Variants in SCUBE3 observed in about 807,000 individuals in gnomAD.
SCUBE3 encodes the protein signal peptide, CUB and EGF-like domain-containing protein 3.
In SCUBE3, 33 loss-of-function variants were observed where a neutral mutation model predicts 116.8. That is an observed-to-expected ratio of 0.28 (90% CI 0.21 to 0.38). The LOEUF is 0.38. Among genes scored for constraint, SCUBE3 ranks in the 10% least tolerant of loss-of-function variants. The pLI, the probability that SCUBE3 is intolerant of heterozygous loss-of-function variation, is 1.00. For missense variants in SCUBE3, 1,007 were observed against 1,324.8 expected (o/e 0.76, Z 3.72); for synonymous variants, 418 against 496.9 (o/e 0.84, Z 2.11).
chr6:35,244,154 G>T lies in SCUBE3; in HGVS notation c.2239+24G>T. 1 of 1,600,422 alleles carries T rather than the reference G, an allele frequency of 6.2e-7. No individual in the cohort carries two copies. The highest frequency in any genetic ancestry group is 1.1e-5 in the South Asian group (1 of 89,886). On this transcript the variant is annotated intron_variant, in intron 17 of 21. Coordinates refer to ENST00000274938, the MANE Select transcript of SCUBE3 (RefSeq NM_152753.4). The surrounding 1 kb of genome is among the most constrained non-coding windows in gnomAD (Gnocchi z 4.3). ...AGGTGAGTAAGCTACTCACCTCCCT[G>T]GGGGATGCCCCAACCCCAACTACTC...
At chr6:35,238,362 G>A (rs1783870309) in intron 7 of SCUBE3, among the ~76,000 whole-genome samples, 1 of 152,198 alleles carries the variant, frequency 6.6e-6, no homozygotes, top group Non-Finnish European at 1.5e-5. Flanking sequence ...GTGTGCATGA[G>A]GTCACAGGTG....
In SCUBE3 at chr6:35,245,130, T is replaced by C; in HGVS notation, c.2402-98T>C. On this transcript the variant is annotated intron_variant, in intron 18 of 21. Transcript: ENST00000274938. The surrounding 1 kb of genome is among the most constrained non-coding windows in gnomAD (Gnocchi z 4.2). Reference sequence around the variant, plus strand: ...AACTAGAACGCAGACTTCCCATAAATGTCTGACCTCTACTTCAGAACTCTT... The same window carrying C: ...AACTAGAACGCAGACTTCCCATAAACGTCTGACCTCTACTTCAGAACTCTT... 9.2e-7 allele frequency: 1 copy of C among 1,087,990 alleles called. No homozygotes were observed. The highest frequency in any genetic ancestry group is 1.4e-6 in the Non-Finnish European group (1 of 718,330). The allele number at this position is 1,087,990 out of a possible 1,614,324, so 67.4% of individuals were successfully genotyped here. A position where few individuals can be genotyped will look rare whatever the true frequency, so the allele number is the denominator to read the frequency against.
Position 35,214,657 on chromosome 6 carries a change from C to T in SCUBE3, c.85+154C>T, listed in dbSNP as rs1433382307. 6.6e-6 allele frequency among the ~76,000 whole-genome samples: 1 copy of T among 152,184 alleles called. No homozygotes were observed. Among genetic ancestry groups the T allele is most frequent in the Non-Finnish European group, 1.5e-5 (1 of 68,028 alleles). The stretch of plus-strand genomic sequence containing the variant: ...CGGACTCCCCGGCCAGGGGCCCGAC[C>T]GCTGGGCGCTGCGCCCCGAGCGAAA... On this transcript the variant is annotated intron_variant, in intron 1 of 21. Coordinates refer to ENST00000274938, the MANE Select transcript of SCUBE3 (RefSeq NM_152753.4). The surrounding 1 kb of genome is among the most constrained non-coding windows in gnomAD (Gnocchi z 6.3).
At chr6:35,217,927 G>C (rs1390325125) in intron 1 of SCUBE3, among the ~76,000 whole-genome samples, 2 of 152,194 alleles carry the variant, frequency 1.3e-5, no homozygotes, top group African/African-American at 4.8e-5. Context: ...ACATGTCTCA[G>C]AGGTGGGGAA....
Position 35,252,640 on chromosome 6 carries a change from G to A in SCUBE3, c.*3935G>A, listed in dbSNP as rs1784593214. ...ATAAAAGTGGGAGCGAACAACACAA[G>A]GATATTTTTACATTTGACCCGTCTC... On this transcript the variant is annotated 3_prime_UTR_variant, in exon 22 of 22. Coordinates refer to ENST00000274938, the MANE Select transcript of SCUBE3 (RefSeq NM_152753.4). 1 of 152,126 alleles carries A rather than the reference G, an allele frequency of 6.6e-6. No homozygotes were observed. Among genetic ancestry groups the A allele is most frequent in the Admixed American group, 6.5e-5 (1 of 15,284 alleles). 9.4% of individuals were successfully genotyped at this position (152,126 alleles called of 1,614,324 possible).
chr6:35,246,680 A>C (rs1328060930), intron 21 of SCUBE3, among the ~76,000 whole-genome samples: 4 of 152,226 alleles, frequency 2.6e-5, no homozygotes, highest in Non-Finnish European at 5.9e-5. Context: ...GGCCTCATTA[A>C]GCAGCAGCAG....
Position 35,219,220 on chromosome 6 carries a change from CA to C in SCUBE3, c.85+4718del. ...CCCTGGAAATAGCCCCTGAAGAACA[CA>C]TGTGTGTTTCTATATGTGTGTATCC... On this transcript the variant is annotated intron_variant, in intron 1 of 21. Coordinates refer to ENST00000274938, the MANE Select transcript of SCUBE3 (RefSeq NM_152753.4). The surrounding 1 kb of genome is among the most constrained non-coding windows in gnomAD (Gnocchi z 4.7). 6.6e-6 allele frequency among the ~76,000 whole-genome samples: 1 copy of C among 152,306 alleles called. No individual in the cohort carries two copies.
Position 35,250,723 on chromosome 6 carries a change from T to C in SCUBE3, c.*2018T>C, listed in dbSNP as rs1454201929. On this transcript the variant is annotated 3_prime_UTR_variant, in exon 22 of 22. Transcript: ENST00000274938. ...CCTCAGGTTCATTTCTTTTTTTTTT[T>C]TTTTTCTTTTTAACTCTCCTGGTAA... The C allele has an allele frequency of 4.0e-5, 3 of 74,510 alleles. No individual in the cohort carries two copies. In the East Asian group the frequency reaches 1.1e-3, roughly 27 times the overall value. The allele number at this position is 74,510 out of a possible 1,614,324, so 4.6% of individuals were successfully genotyped here. A position where few individuals can be genotyped will look rare whatever the true frequency, so the allele number is the denominator to read the frequency against.
chr6:35,226,479 C>CTTTTTTTTTTTTTTT (rs1562044702), intron 1 of SCUBE3, among the ~76,000 whole-genome samples: 31 of 52,180 alleles, frequency 5.9e-4, no homozygotes, highest in African/African-American at 1.4e-3. Flanking sequence ...TTTTCTATGT[C>CTTTTTTTTTTTTTTT]CTTTTTTTTT....
In SCUBE3 at chr6:35,239,662, A is replaced by C; in HGVS notation, c.830-90A>C. On this transcript the variant is annotated intron_variant, in intron 7 of 21. Transcript: ENST00000274938. The surrounding 1 kb of genome is among the most constrained non-coding windows in gnomAD (Gnocchi z 4.1). ...AGGCCCAGGACTCCTTGATTTTTGC[A>C]TGTCTCTGTCAGTGAGGGAGGGATC... 8.0e-7 allele frequency: 1 copy of C among 1,243,448 alleles called. No homozygotes were observed. Among genetic ancestry groups the C allele is most frequent in the South Asian group, 1.3e-5 (1 of 75,874 alleles). 77.0% of individuals were successfully genotyped at this position (1,243,448 alleles called of 1,614,324 possible). A position where few individuals can be genotyped will look rare whatever the true frequency, so the allele number is the denominator to read the frequency against.
chr6:35,233,880 CACCTT>C lies in SCUBE3; in HGVS notation c.712+583_712+587del, dbSNP rs1304083869. Among the ~76,000 whole-genome samples the C allele has an allele frequency of 5.3e-5, 8 of 152,232 alleles. No individual in the cohort carries two copies. The highest frequency in any genetic ancestry group is 3.4e-3 in the Middle Eastern group (1 of 294). ...CTGCAACTCCCCTTTCTACTCACCT[CACCTT>C]ACCCCCCATTTCCTTCTCTCTCCTC... is the stretch of plus-strand genomic sequence containing the variant. On this transcript the variant is annotated intron_variant, in intron 6 of 21. Coordinates refer to ENST00000274938, the MANE Select transcript of SCUBE3 (RefSeq NM_152753.4). The surrounding 1 kb of genome is among the most constrained non-coding windows in gnomAD (Gnocchi z 5.7).
chr6:35,232,484 GA>G lies in SCUBE3; in HGVS notation c.470-365del, dbSNP rs1328317528. On this transcript the variant is annotated intron_variant, in intron 4 of 21. Transcript: ENST00000274938. The surrounding 1 kb of genome is among the most constrained non-coding windows in gnomAD (Gnocchi z 4.2). ...TTCCCAGTTTGACTGTAAGCTCTTT[GA>G]GGGGAGTGATCACACCTTGTATTTT... 1.3e-5 allele frequency among the ~76,000 whole-genome samples: 2 copies of G among 152,146 alleles called. No homozygotes were observed. Among genetic ancestry groups the G allele is most frequent in the Admixed American group, 6.5e-5 (1 of 15,284 alleles).
chr6:35,214,835 T>G lies in SCUBE3; in HGVS notation c.85+332T>G, dbSNP rs1482927446. Among the ~76,000 whole-genome samples, 2 of 152,230 alleles carry G rather than the reference T, an allele frequency of 1.3e-5. No homozygotes were observed. Among genetic ancestry groups the G allele is most frequent in the Non-Finnish European group, 2.9e-5 (2 of 68,034 alleles). ...TTCCAAAATCTGAGAGAGAATTTTC[T>G]CTTCTCTCAAACATTGCCAGAAACT... On this transcript the variant is annotated intron_variant, in intron 1 of 21. Coordinates refer to ENST00000274938, the MANE Select transcript of SCUBE3 (RefSeq NM_152753.4). The surrounding 1 kb of genome is among the most constrained non-coding windows in gnomAD (Gnocchi z 6.3).
At position 35,240,140 on chromosome 6, in the gene SCUBE3, G is replaced by T. The variant is rs1312451414; in HGVS notation, c.953-234G>T. Among the ~76,000 whole-genome samples, 1 of 152,152 alleles carries T rather than the reference G, an allele frequency of 6.6e-6. No individual in the cohort carries two copies. Among genetic ancestry groups the T allele is most frequent in the African/African-American group, 2.4e-5 (1 of 41,428 alleles). On this transcript the variant is annotated intron_variant, in intron 8 of 21. Transcript: ENST00000274938. The surrounding 1 kb of genome is among the most constrained non-coding windows in gnomAD (Gnocchi z 4.6). ...AGTAGGACGTACCTAACCACACATG[G>T]TGGGCCCTGACCTAAAGGCACCAGA...
chr6:35,243,514 G>T lies in SCUBE3; in HGVS notation c.1910-80G>T. 12 of 1,303,442 alleles carry T rather than the reference G, an allele frequency of 9.2e-6. No homozygotes were observed. The highest frequency in any genetic ancestry group is 1.3e-5 in the Non-Finnish European group (12 of 948,140). 80.7% of individuals were successfully genotyped at this position (1,303,442 alleles called of 1,614,324 possible). A position where few individuals can be genotyped will look rare whatever the true frequency, so the allele number is the denominator to read the frequency against. On this transcript the variant is annotated intron_variant, in intron 15 of 21. Transcript: ENST00000274938. This position sits in a 1 kb window ranked among gnomAD's most constrained non-coding sequence, Gnocchi z 6.6. ...TTCTCCCTGAATCGGGGGTTGTGGC[G>T]GGGAGTGGGAAGGGGAGTCCCAGGC...
At position 35,240,617 on chromosome 6, in the gene SCUBE3, C is replaced by T. The variant is rs777182197; in HGVS notation, c.1069+127C>T. On this transcript the variant is annotated intron_variant, in intron 9 of 21. Transcript: ENST00000274938. The surrounding 1 kb of genome is among the most constrained non-coding windows in gnomAD (Gnocchi z 4.6). ...TGGATGCATGCACCATGTCTGCATC[C>T]GCTGTGACAAAATAGGAGGAATTAA... is the stretch of plus-strand genomic sequence containing the variant. 13 of 538,080 alleles carry T rather than the reference C, an allele frequency of 2.4e-5. No homozygotes were observed. Among genetic ancestry groups the T allele is most frequent in the Middle Eastern group, 9.8e-4 (2 of 2,036 alleles). 33.3% of individuals were successfully genotyped at this position (538,080 alleles called of 1,614,324 possible).
Position 35,241,996 on chromosome 6 carries a change from C to T in SCUBE3, c.1417+86C>T, listed in dbSNP as rs182126843. 7 of 1,030,812 alleles carry T rather than the reference C, an allele frequency of 6.8e-6. No individual in the cohort carries two copies. The highest frequency in any genetic ancestry group is 3.4e-5 in the Admixed American group (2 of 58,130). The allele number at this position is 1,030,812 out of a possible 1,614,324, so 63.9% of individuals were successfully genotyped here. ...TGTTCTTCATCAATCCCCTGGCCTT[C>T]CTTTCTCCTGGATCCTCTTTTTTGC... On this transcript the variant is annotated intron_variant, in intron 12 of 21. Transcript: ENST00000274938. This position sits in a 1 kb window ranked among gnomAD's most constrained non-coding sequence, Gnocchi z 4.1.
In SCUBE3 at chr6:35,228,896, G is replaced by A. The variant is rs1783424541; in HGVS notation, c.334+157G>A. Among the ~76,000 whole-genome samples, 1 of 152,184 alleles carries A rather than the reference G, an allele frequency of 6.6e-6. No individual in the cohort carries two copies. The highest frequency in any genetic ancestry group is 2.1e-4 in the South Asian group (1 of 4,832). Reference sequence around the variant, plus strand: ...CCTCCCCTTTGAGACTGGCCACTTAGGATGAAAAATCCTGCTGGATGAAAA... The same window carrying A: ...CCTCCCCTTTGAGACTGGCCACTTAAGATGAAAAATCCTGCTGGATGAAAA... On this transcript the variant is annotated intron_variant, in intron 3 of 21. Coordinates refer to ENST00000274938, the MANE Select transcript of SCUBE3 (RefSeq NM_152753.4). The surrounding 1 kb of genome is among the most constrained non-coding windows in gnomAD (Gnocchi z 4.9).
chr6:35,238,047 G>A (rs1783854727), intron 7 of SCUBE3, 29 bp downstream of exon 7: 19 of 1,363,530 alleles, frequency 1.4e-5, no homozygotes, highest in Non-Finnish European at 1.9e-5. Flanking sequence ...CAGAAGCAGA[G>A]TGACCTTTGG....
Sources: gnomAD v4.1 joint callset for allele counts (sites outside exome capture counted in the v4.1 genomes callset) on GRCh38, gnomAD v4.1.1 for gene constraint, Gnocchi (gnomAD v3.1) non-coding constraint, MANE v1.5 for transcripts, NCBI Gene and HGNC (gene_info 2026-07-23, HGNC 2026-07-21) for gene names.